ARHGEF10: variants seen among roughly 807,000 people sequenced by gnomAD.
ARHGEF10 encodes Rho guanine nucleotide exchange factor (GEF) 10.
ARHGEF10 carries 140 observed loss-of-function variants against 147.4 expected under a neutral mutation model. That is an observed-to-expected ratio of 0.95 (90% CI 0.83 to 1.09). The LOEUF (loss-of-function observed/expected upper bound fraction) is 1.09, where lower values mean the gene tolerates loss of function less well. ARHGEF10 is among the 50% of genes least tolerant of loss of function. ARHGEF10 has a pLI of 0.00. For missense variants in ARHGEF10, 2,222 were observed against 1,752.7 expected, an observed-to-expected ratio of 1.27 and a Z score of -4.78; for synonymous variants, 902 against 695.8, an observed-to-expected ratio of 1.30 and a Z score of -4.67.
At chr8:1,840,890 A>C (rs1272981760) in intron 1 of ARHGEF10, among the ~76,000 whole-genome samples, 1 of 152,158 alleles carries the variant, frequency 6.6e-6, no homozygotes, top group South Asian at 2.1e-4. Context: ...GTGGGCCCCT[A>C]CCGCCTCACG....
Position 1,956,971 on chromosome 8 carries a change from G to C in ARHGEF10, c.3743G>C (p.Gly1248Ala). ...GCCATCTGGTTGGGAGATTCGCTGGGATCGATGACTCAGAAAAGCGACCTG... is the reference window on the plus strand; with the variant it reads ...GCCATCTGGTTGGGAGATTCGCTGGCATCGATGACTCAGAAAAGCGACCTG... ...DAAIWLGDSL[G>A]SMTQKSDLSS... The change falls in exon 29 of 29, where the codon GGA becomes GCA. Residue 1248 changes from glycine to alanine, a missense_variant. Transcript: ENST00000349830. The C allele has an allele frequency of 3.1e-6, 5 of 1,614,140 alleles. No homozygotes were observed. Among genetic ancestry groups the C allele is most frequent in the Non-Finnish European group, 4.2e-6 (5 of 1,180,030 alleles).
At chr8:1,941,157 G>T (rs2129261661) in intron 26 of ARHGEF10, among the ~76,000 whole-genome samples, 1 of 152,346 alleles carries the variant, frequency 6.6e-6, no homozygotes, top group Admixed American at 6.5e-5. Context: ...GGACTCAGAT[G>T]AAAGGAAGAA....
rs1033449232 is a variant in ARHGEF10, at chr8:1,889,464, C to T, written c.1182+3757C>T. 5.0e-4 allele frequency among the ~76,000 whole-genome samples: 9 copies of T among 17,952 alleles called. 2 individuals carry two copies. The highest frequency in any genetic ancestry group is 2.5e-3 in the African/African-American group (6 of 2,386). The allele number at this position is 17,952 out of a possible 152,430, so 11.8% of individuals were successfully genotyped here. ...GGAGACACTGAGTGGGGTGAGGGGT[C>T]TGTGAGGAGACACTGAGTGGGGTGA... On this transcript the variant is annotated intron_variant, in intron 11 of 28. Transcript: ENST00000349830.
At chr8:1,845,699 C>T (rs1338521920) in intron 2 of ARHGEF10, among the ~76,000 whole-genome samples, 1 of 152,212 alleles carries the variant, frequency 6.6e-6, no homozygotes, top group East Asian at 1.9e-4. Flanking sequence ...GTGCCTGGCA[C>T]CCTGAGGAGC....
intron 27 of ARHGEF10, chr8:1,945,921 C>T (rs1005590893): frequency 0.02 from 718 of 36,320 alleles, 1 homozygote; most frequent in Non-Finnish European, 0.035. Context: ...AGCCGCGTGG[C>T]AGTGCCATCT....
At position 1,894,440 on chromosome 8, in the gene ARHGEF10, G is replaced by C; in HGVS notation, c.1308G>C (p.Glu436Asp). 3 of 1,614,262 alleles carry C rather than the reference G, an allele frequency of 1.9e-6. No individual in the cohort carries two copies. Among genetic ancestry groups the C allele is most frequent in the Non-Finnish European group, 1.7e-6 (2 of 1,180,050 alleles). ...AGATGGAGCCAAAGGTTCTGAGTGA[G>C]AGGAAGCTGAAGACGGTGTTCTACC... ...LSEMEPKVLS[E>D]RKLKTVFYRV... Residue 436 changes from glutamate to aspartate, a missense_variant, in exon 13 of 29, where the codon GAG becomes GAC. By Grantham distance (45) the Glu-to-Asp change is conservative. Transcript: ENST00000349830.
intron 5 of ARHGEF10, among the ~76,000 whole-genome samples, chr8:1,864,877 G>A (rs575966836): frequency 1.1e-3 from 165 of 152,326 alleles, no homozygotes; most frequent in African/African-American, 3.9e-3. Flanking sequence ...GTCCAGCCAC[G>A]GTTCTCCATT....
Position 1,928,526 on chromosome 8 carries a change from C to T in ARHGEF10, c.2797C>T (p.Leu933=). 1 of 1,614,246 alleles carries T rather than the reference C, an allele frequency of 6.2e-7. No individual in the cohort carries two copies. Among genetic ancestry groups the T allele is most frequent in the Admixed American group, 1.7e-5 (1 of 60,020 alleles). ...GTGCTTCAACGTGGAATCTCGCATC[C>T]TGTGCATGCTGTACGTTCCCGTCGA... is the stretch of plus-strand genomic sequence containing the variant. ...IECFNVESRI[L]CMLYVPVEEK... Residue 933 remains leucine, a synonymous_variant, in exon 24 of 29, where the codon CTG becomes TTG. Coordinates refer to ENST00000349830, the MANE Select transcript of ARHGEF10 (RefSeq NM_014629.4).
intron 15 of ARHGEF10, among the ~76,000 whole-genome samples, chr8:1,899,913 G>C (rs1810316613): frequency 6.6e-6 from 1 of 152,268 alleles, no homozygotes; most frequent in Non-Finnish European, 1.5e-5. Flanking sequence ...AGCTGGGAGA[G>C]TGTCACCAGG....
intron 25 of ARHGEF10, 53 bp downstream of exon 25, chr8:1,929,496 C>T (rs1812945599): frequency 1.3e-6 from 2 of 1,550,290 alleles, no homozygotes; most frequent in East Asian, 4.5e-5. Context: ...ACTCAGGGGA[C>T]TGTGCATCCG....
intron 24 of ARHGEF10, 83 bp from the exon 25 acceptor site, chr8:1,929,203 A>G: frequency 6.9e-7 from 1 of 1,448,966 alleles, no homozygotes; most frequent in Admixed American, 1.7e-5. Flanking sequence ...AAGAGTTGAA[A>G]TGTTTGTGTT....
rs376449070 is a variant in ARHGEF10, at chr8:1,903,444, T to C, written c.1814T>C (p.Leu605Pro). 1.2e-6 allele frequency: 2 copies of C among 1,614,038 alleles called. No homozygotes were observed. Among genetic ancestry groups the C allele is most frequent in the African/African-American group, 2.7e-5 (2 of 74,950 alleles). The change falls in exon 16 of 29, where the codon CTG becomes CCG. Residue 605 changes from leucine (L) to proline (P), a missense_variant. Physicochemically the swap from Leu to Pro is moderately conservative, Grantham distance 98. Coordinates refer to ENST00000349830, the MANE Select transcript of ARHGEF10 (RefSeq NM_014629.4). ...GCCAAAGCCATAAACGAAAGATACCTGAACAAGGTTGAGAGAGGTTTTCTT... is the reference window on the plus strand; with the variant it reads ...GCCAAAGCCATAAACGAAAGATACCCGAACAAGGTTGAGAGAGGTTTTCTT... Reference protein sequence around the residue: ...QIAKAINERYLNKLLSSGSRY... With the variant: ...QIAKAINERYPNKLLSSGSRY...
intron 11 of ARHGEF10, among the ~76,000 whole-genome samples, chr8:1,891,299 A>C (rs1230917523): frequency 6.6e-6 from 1 of 152,190 alleles, no homozygotes; most frequent in African/African-American, 2.4e-5. Flanking sequence ...TTGAGTGGTT[A>C]AATGGGGGGT....
At chr8:1,891,376 G>A (rs951761044) in intron 11 of ARHGEF10, among the ~76,000 whole-genome samples, 7 of 152,192 alleles carry the variant, frequency 4.6e-5, no homozygotes, top group East Asian at 1.9e-4. Context: ...CTAAAATGCT[G>A]TATATTAAAC....
At chr8:1,826,507 G>C (rs1409975489) in intron 1 of ARHGEF10, among the ~76,000 whole-genome samples, 1 of 152,070 alleles carries the variant, frequency 6.6e-6, no homozygotes, top group African/African-American at 2.4e-5. Flanking sequence ...TACAGACCTG[G>C]GTTGAGGTGG....
intron 28 of ARHGEF10, among the ~76,000 whole-genome samples, chr8:1,953,476 A>T (rs766972405): frequency 2.0e-5 from 3 of 152,272 alleles, no homozygotes; most frequent in African/African-American, 7.2e-5. Context: ...GCTGGAACAC[A>T]TGGCCTTTCT....
At position 1,860,135 on chromosome 8, in the gene ARHGEF10, C is replaced by T. The variant is rs758217784; in HGVS notation, c.432C>T (p.Pro144=). The change falls in exon 4 of 29, where the codon CCC becomes CCT. Residue 144 remains proline (P), a synonymous_variant. Coordinates refer to ENST00000349830, the MANE Select transcript of ARHGEF10 (RefSeq NM_014629.4). The stretch of plus-strand genomic sequence containing the variant: ...CCTCCAACCTGCCCCTCCTGCTGCC[C>T]GCCTACTCCAGCCCGGTCATCATCT... The part of the protein sequence containing the change: ...AVPSNLPLLL[P]AYSSPVIICA... 30 of 1,613,866 alleles carry T rather than the reference C, an allele frequency of 1.9e-5. No individual in the cohort carries two copies. Among genetic ancestry groups the T allele is most frequent in the East Asian group, 1.1e-4 (5 of 44,896 alleles).
rs1563157219 is a variant in ARHGEF10, at chr8:1,839,375, G to GGA, written c.-47-3978_-47-3977insGA. 1.6e-3 allele frequency among the ~76,000 whole-genome samples: 207 copies of GGA among 130,686 alleles called. 3 individuals are homozygous for GGA. Among genetic ancestry groups the GGA allele is most frequent in the African/African-American group, 5.3e-3 (175 of 32,910 alleles). The allele number at this position is 130,686 out of a possible 152,430, so 85.7% of individuals were successfully genotyped here. A position where few individuals can be genotyped will look rare whatever the true frequency, so the allele number is the denominator to read the frequency against. ...GGTGTGGGGACTGTCTGGTGTGGAA[G>GGA]CTGTCTGGTGTGGGACTGTCTGCTG... On this transcript the variant is annotated intron_variant, in intron 1 of 28. Transcript: ENST00000349830.
At position 1,838,279 on chromosome 8, in the gene ARHGEF10, C is replaced by G. The variant is rs146497109; in HGVS notation, c.-47-5074C>G. 2.6e-3 allele frequency among the ~76,000 whole-genome samples: 393 copies of G among 152,358 alleles called. 1 individual carries two copies. The highest frequency in any genetic ancestry group is 0.024 in the Middle Eastern group (7 of 294). ...GGGAAAGATGACATCAACCTAAACT[C>G]TTGAGGACTCATAGCTGTATTGGAG... On this transcript the variant is annotated intron_variant, in intron 1 of 28. Coordinates refer to ENST00000349830, the MANE Select transcript of ARHGEF10 (RefSeq NM_014629.4).
Sources: gnomAD v4.1 joint callset for allele counts (sites outside exome capture counted in the v4.1 genomes callset) on GRCh38, gnomAD v4.1.1 for gene constraint, MANE v1.5 for transcripts, NCBI Gene and HGNC (gene_info 2026-07-23, HGNC 2026-07-21) for gene names.